NLGN1: variants seen among roughly 807,000 people sequenced by gnomAD.
NLGN1 encodes the protein neuroligin-1.
In NLGN1, 12 loss-of-function variants were observed where a neutral mutation model predicts 65.5. The observed-to-expected ratio is 0.18, with a 90% confidence interval of 0.12 to 0.30. NLGN1 has a LOEUF of 0.30. NLGN1 is among the 10% of genes least tolerant of loss of function. NLGN1 has a pLI of 1.00. For missense variants in NLGN1, 750 were observed against 1,007.1 expected, an observed-to-expected ratio of 0.74 and a Z score of 3.46; for synonymous variants, 350 against 359.5, an observed-to-expected ratio of 0.97 and a Z score of 0.30.
chr3:173,716,734 G>C (rs1234449692), intron 3 of NLGN1, among the ~76,000 whole-genome samples: 1 of 147,814 alleles, frequency 6.8e-6, no homozygotes, highest in East Asian at 1.9e-4. Flanking sequence ...GTCTAAAAGA[G>C]AAAGCTGCAT....
rs114423613 is a variant in NLGN1, at chr3:173,838,547, C to T, written c.646+30715C>T. On this transcript the variant is annotated intron_variant, in intron 4 of 6. Coordinates refer to ENST00000457714, the Ensembl canonical transcript of NLGN1. Reference sequence around the variant, plus strand: ...CTTAAATTCATTCTCCTAGAACATACGCTTAATAAGAACTGGGGATTTATC... The same window carrying T: ...CTTAAATTCATTCTCCTAGAACATATGCTTAATAAGAACTGGGGATTTATC... 1.6e-3 allele frequency among the ~76,000 whole-genome samples: 247 copies of T among 152,114 alleles called. 3 individuals are homozygous for T. The highest frequency in any genetic ancestry group is 5.8e-3 in the African/African-American group (239 of 41,486).
Position 173,835,731 on chromosome 3 carries a change from G to T in NLGN1, c.646+27899G>T, listed in dbSNP as rs147695311. On this transcript the variant is annotated intron_variant, in intron 4 of 6. Transcript: ENST00000457714. ...ATTAAAGTTATGAATTGCAATCAAA[G>T]AATATAAATGTTTCCTTAATCCAAG... Among the ~76,000 whole-genome samples, 24 of 151,916 alleles carry T rather than the reference G, an allele frequency of 1.6e-4. No individual in the cohort carries two copies. The East Asian group carries it at 4.6e-3, about 29-fold the overall frequency.
chr3:174,188,544 A>G (rs1731826274), intron 4 of NLGN1, among the ~76,000 whole-genome samples: 2 of 151,976 alleles, frequency 1.3e-5, no homozygotes, highest in African/African-American at 4.8e-5. Context: ...AAATCTTAGA[A>G]AGAATGTCAA....
intron 4 of NLGN1, among the ~76,000 whole-genome samples, chr3:174,151,842 G>A (rs1724414303): frequency 6.6e-6 from 1 of 152,032 alleles, no homozygotes; most frequent in Non-Finnish European, 1.5e-5. Context: ...CTCTTCGACT[G>A]ATTTCCACAC....
chr3:173,682,799 G>A (rs1449594425), intron 3 of NLGN1, among the ~76,000 whole-genome samples: 1 of 151,992 alleles, frequency 6.6e-6, no homozygotes. Context: ...GCATAAATGG[G>A]TCAAGTCTTT....
intron 4 of NLGN1, among the ~76,000 whole-genome samples, chr3:174,100,810 A>AT (rs969787298): frequency 5.3e-5 from 8 of 151,422 alleles, no homozygotes; most frequent in Admixed American, 3.3e-4. Flanking sequence ...TAAAGTGACC[A>AT]TTTTTTTTCT....
At position 173,884,336 on chromosome 3, in the gene NLGN1, G is replaced by A. The variant is rs186310492; in HGVS notation, c.646+76504G>A. ...ACCTAATTTCTATTTCTAGGCATGC[G>A]CAAACATCCCGTCCTAGTCTTACAG... On this transcript the variant is annotated intron_variant, in intron 4 of 6. Coordinates refer to ENST00000457714, the Ensembl canonical transcript of NLGN1. Among the ~76,000 whole-genome samples, 1,261 of 152,198 alleles carry A rather than the reference G, an allele frequency of 8.3e-3. 11 individuals are homozygous for A. The highest frequency in any genetic ancestry group is 0.012 in the Non-Finnish European group (835 of 68,012).
rs145842270 is a variant in NLGN1, at chr3:174,223,515, T to C, written c.647-51800T>C. 1.9e-3 allele frequency among the ~76,000 whole-genome samples: 283 copies of C among 152,172 alleles called. 3 individuals are homozygous for C. The highest frequency in any genetic ancestry group is 5.5e-3 in the African/African-American group (230 of 41,490). On this transcript the variant is annotated intron_variant, in intron 4 of 6. Transcript: ENST00000457714. ...TCTCTAGCATTTATTTCCTTCTCAC[T>C]TTTCCTTTACCTAATCTCACCCACT...
intron 4 of NLGN1, among the ~76,000 whole-genome samples, chr3:173,921,229 GTA>G (rs1193462463): frequency 1.4e-5 from 2 of 146,216 alleles, no homozygotes; most frequent in Admixed American, 6.9e-5. Context: ...TACTATGCAT[GTA>G]TAATATATGG....
At chr3:173,637,220 T>C (rs941308818) in intron 3 of NLGN1, among the ~76,000 whole-genome samples, 3 of 152,150 alleles carry the variant, frequency 2.0e-5, no homozygotes, top group East Asian at 3.9e-4. Context: ...TACTATGGAA[T>C]GAGTAGGTAA....
chr3:174,032,578 G>A (rs1730248650), intron 4 of NLGN1, among the ~76,000 whole-genome samples: 1 of 152,178 alleles, frequency 6.6e-6, no homozygotes, highest in African/African-American at 2.4e-5. Flanking sequence ...CAGCCTGAGT[G>A]TGGACTACTG....
chr3:173,785,906 T>G (rs1781882281), intron 3 of NLGN1, among the ~76,000 whole-genome samples: 1 of 152,146 alleles, frequency 6.6e-6, no homozygotes, highest in Admixed American at 6.5e-5. Context: ...TGTGATAAAT[T>G]TTATACATAT....
chr3:174,161,981 A>T (rs2152721906), intron 4 of NLGN1, among the ~76,000 whole-genome samples: 1 of 151,994 alleles, frequency 6.6e-6, no homozygotes, highest in Middle Eastern at 3.4e-3. Flanking sequence ...GAAGAGCTTA[A>T]CATGGATGGT....
At chr3:173,989,225 A>G (rs1720578104) in intron 4 of NLGN1, among the ~76,000 whole-genome samples, 1 of 152,170 alleles carries the variant, frequency 6.6e-6, no homozygotes, top group Non-Finnish European at 1.5e-5. Flanking sequence ...ATTCCTTACC[A>G]TTGGGCAAAT....
At chr3:173,527,096 C>G (rs1007638599) in intron 2 of NLGN1, among the ~76,000 whole-genome samples, 1 of 152,122 alleles carries the variant, frequency 6.6e-6, no homozygotes, top group Non-Finnish European at 1.5e-5. Flanking sequence ...ATTGTTTTTC[C>G]TTAGAGTATA....
intron 3 of NLGN1, among the ~76,000 whole-genome samples, chr3:173,747,835 A>G (rs1441213762): frequency 1.3e-5 from 1 of 78,474 alleles, no homozygotes; most frequent in Admixed American, 1.9e-4. Flanking sequence ...TTTTTTTGAG[A>G]CAGGGTCTTA....
intron 4 of NLGN1, among the ~76,000 whole-genome samples, chr3:174,254,470 A>G (rs1745320988): frequency 6.6e-6 from 1 of 151,786 alleles, no homozygotes; most frequent in South Asian, 2.1e-4. Context: ...TTTTCTCTCT[A>G]CCTGTGTTTC....
Position 173,691,578 on chromosome 3 carries a change from A to C in NLGN1, c.493+86487A>C, listed in dbSNP as rs143155762. On this transcript the variant is annotated intron_variant, in intron 3 of 6. Transcript: ENST00000457714. ...TTAATACGTGTCTTAAAGTGGGATA[A>C]CTTATAACCCAAATATCAACTCAGA... Among the ~76,000 whole-genome samples, 272 of 152,222 alleles carry C rather than the reference A, an allele frequency of 1.8e-3. 1 individual carries two copies. The highest frequency in any genetic ancestry group is 0.014 in the Middle Eastern group (4 of 294).
At chr3:174,247,180 T>C (rs1045226205) in intron 4 of NLGN1, among the ~76,000 whole-genome samples, 1 of 152,240 alleles carries the variant, frequency 6.6e-6, no homozygotes, top group Non-Finnish European at 1.5e-5. Flanking sequence ...TTTTTTGGTG[T>C]TACTTGGAGA....
Sources: gnomAD v4.1 joint callset for allele counts (sites outside exome capture counted in the v4.1 genomes callset) on GRCh38, gnomAD v4.1.1 for gene constraint, MANE v1.5 for transcripts, NCBI Gene and HGNC (gene_info 2026-07-23, HGNC 2026-07-21) for gene names.